The following FRMPD2 variants were observed in gnomAD, a reference collection of about 807,000 sequenced individuals.
The protein encoded by FRMPD2 is FERM and PDZ domain containing 2.
FRMPD2 carries 96 observed loss-of-function variants against 140.1 expected under a neutral mutation model. The observed-to-expected ratio is 0.69, with a 90% confidence interval of 0.58 to 0.81. The LOEUF (loss-of-function observed/expected upper bound fraction) is 0.81. Ranked by LOEUF, FRMPD2 falls within the 40% of genes least tolerant of loss-of-function variation. The probability of loss-of-function intolerance (pLI) is 0.00; values close to 1 mark genes in which losing one functional copy is unlikely to be tolerated. For synonymous variants in FRMPD2, 449 were observed against 547.6 expected (o/e 0.82, Z 2.52); for missense variants, 1,240 against 1,447.4 (o/e 0.86, Z 2.32).
chr10:48,240,982 G>A (rs1264849005), intron 5 of FRMPD2, among the ~76,000 whole-genome samples: 1 of 152,212 alleles, frequency 6.6e-6, no homozygotes, highest in Non-Finnish European at 1.5e-5. Flanking sequence ...TGTTGAATAC[G>A]TGACTGACAT....
intron 12 of FRMPD2, 62 bp downstream of exon 12, chr10:48,222,251 C>G: frequency 6.4e-7 from 1 of 1,557,518 alleles, no homozygotes. Flanking sequence ...CTAACACATG[C>G]CCTCATCCTG....
At chr10:48,160,239 A>G (rs1297145652) in intron 28 of FRMPD2, among the ~76,000 whole-genome samples, 1 of 151,632 alleles carries the variant, frequency 6.6e-6, no homozygotes, top group African/African-American at 2.4e-5. Flanking sequence ...AAGATCTACT[A>G]CTAGACGGTA....
At chr10:48,214,214 C>T (rs550727548) in intron 12 of FRMPD2, among the ~76,000 whole-genome samples, 78 of 152,270 alleles carry the variant, frequency 5.1e-4, no homozygotes, top group African/African-American at 1.8e-3. Context: ...TCTCTCTGTT[C>T]GTGAGACACA....
rs73292197 is a variant in FRMPD2, at chr10:48,190,880, C to T, written c.2165+1804G>A. Among the ~76,000 whole-genome samples, 377 of 152,328 alleles carry T rather than the reference C, an allele frequency of 2.5e-3. 2 individuals are homozygous for T. The highest frequency in any genetic ancestry group is 8.6e-3 in the African/African-American group (359 of 41,570). On this transcript the variant is annotated intron_variant, in intron 16 of 28. Transcript: ENST00000374201. ...CACCATTCTCAGAAAGGATGCTTTGCGGGCAACACATCCTCAAGATGGCCT... is the reference window on the plus strand; with the variant it reads ...CACCATTCTCAGAAAGGATGCTTTGTGGGCAACACATCCTCAAGATGGCCT...
intron 1 of FRMPD2, among the ~76,000 whole-genome samples, chr10:48,270,122 G>A (rs1453066455): frequency 1.3e-5 from 2 of 152,180 alleles, no homozygotes; most frequent in African/African-American, 2.4e-5. Flanking sequence ...ACTAAGAAAA[G>A]TCATAAAAGA....
At chr10:48,240,780 C>G (rs530056792) in intron 5 of FRMPD2, among the ~76,000 whole-genome samples, 1 of 152,308 alleles carries the variant, frequency 6.6e-6, no homozygotes, top group African/African-American at 2.4e-5. Context: ...TCTGTGCCCA[C>G]AAGACCCAGA....
In FRMPD2 at chr10:48,236,498, A is replaced by G. The variant is rs766553000; in HGVS notation, c.977T>C (p.Leu326Pro). Residue 326 changes from leucine (L) to proline (P), a missense_variant, in exon 9 of 29, where the codon CTG (leucine) becomes CCG (proline). Leu to Pro is a moderately conservative substitution (Grantham distance 98). Around this residue, in one of 6 missense-constraint regions of FRMPD2, gnomAD observed 1,161 missense variants for 1,055.9 expected, o/e 1.10. Coordinates refer to ENST00000374201, the MANE Select transcript of FRMPD2 (RefSeq NM_001018071.4). The part of the protein sequence containing the change: ...LAGEAPMTLH[L>P]PGSVVTKKGK... Reference sequence around the variant, plus strand: ...AGTAGTTACCACAACCGATCCCGGCAGATGTAGTGTCATCGGGGCCTCTCC... The same window carrying G: ...AGTAGTTACCACAACCGATCCCGGCGGATGTAGTGTCATCGGGGCCTCTCC... 1.2e-6 allele frequency: 2 copies of G among 1,614,188 alleles called. No homozygotes were observed. The highest frequency in any genetic ancestry group is 2.2e-5 in the South Asian group (2 of 91,086).
At position 48,184,908 on chromosome 10, in the gene FRMPD2, T is replaced by C. The variant is rs113469382; in HGVS notation, c.2360-27A>G. ...TGTAATCCAAGATGATAGTCCATGA[T>C]AAGATGATACTTAGTGATTTTGCTG... On this transcript the variant is annotated intron_variant, in intron 18 of 28. Coordinates refer to ENST00000374201, the MANE Select transcript of FRMPD2 (RefSeq NM_001018071.4). The C allele has an allele frequency of 4.3e-4, 669 of 1,538,354 alleles. 8 individuals are homozygous for C. The African/African-American group carries it at 7.9e-3, about 18-fold the overall frequency.
chr10:48,264,316 T>G (rs1408028507), intron 1 of FRMPD2, among the ~76,000 whole-genome samples: 1 of 151,818 alleles, frequency 6.6e-6, no homozygotes. Context: ...GTATATAAAT[T>G]AGAAAAAAAG....
chr10:48,189,737 C>T (rs149592295), intron 16 of FRMPD2, among the ~76,000 whole-genome samples: 14 of 152,314 alleles, frequency 9.2e-5, no homozygotes, highest in South Asian at 4.1e-4. Flanking sequence ...CTTCCTCTCA[C>T]GGTGCCCAGA....
intron 12 of FRMPD2, 32 bp from the exon 13 acceptor site, chr10:48,212,141 A>G: frequency 6.2e-7 from 1 of 1,608,112 alleles, no homozygotes; most frequent in Non-Finnish European, 8.5e-7. Context: ...GAAGGGCACA[A>G]TCCAGACACT....
intron 1 of FRMPD2, among the ~76,000 whole-genome samples, chr10:48,272,945 A>T (rs746494707): frequency 1.3e-5 from 2 of 152,212 alleles, no homozygotes; most frequent in Non-Finnish European, 2.9e-5. Context: ...TCAGTGGTCA[A>T]TTGCAAACAG....
At chr10:48,209,833 T>C (rs577820839) in intron 13 of FRMPD2, among the ~76,000 whole-genome samples, 1 of 152,256 alleles carries the variant, frequency 6.6e-6, no homozygotes, top group Non-Finnish European at 1.5e-5. Flanking sequence ...CTCAGTATTG[T>C]TTTAAATAGT....
rs555939709 is a variant in FRMPD2 at position 48,242,371 on chromosome 10, G to A, written c.376-19C>T. 2.0e-5 allele frequency: 32 copies of A among 1,604,526 alleles called. No homozygotes were observed. Among genetic ancestry groups the A allele is most frequent in the Admixed American group, 6.7e-5 (4 of 59,324 alleles). The stretch of plus-strand genomic sequence containing the variant: ...GCAGGGGCTGGAGGCAGACAGGGCC[G>A]GTGAGAGGAGAGAGCAGCCAGAGCT... On this transcript the variant is annotated intron_variant, in intron 4 of 28. Transcript: ENST00000374201.
chr10:48,249,762 A>G (rs944646347), intron 2 of FRMPD2, among the ~76,000 whole-genome samples: 2 of 152,164 alleles, frequency 1.3e-5, no homozygotes, highest in East Asian at 1.9e-4. Context: ...CTTAATGCCT[A>G]GGAGCCCCAT....
rs183278284 is a variant in FRMPD2 at position 48,274,173 on chromosome 10, G to A, written c.25+370C>T. Among the ~76,000 whole-genome samples, 4 of 152,224 alleles carry A rather than the reference G, an allele frequency of 2.6e-5. No individual in the cohort carries two copies. In the East Asian group the frequency reaches 5.8e-4, roughly 22 times the overall value. On this transcript the variant is annotated intron_variant, in intron 1 of 28. Coordinates refer to ENST00000374201, the MANE Select transcript of FRMPD2 (RefSeq NM_001018071.4). Reference sequence around the variant, plus strand: ...CACCCCATGAATCCTCAGCAACATCGTAACGCATGGGGCATTATTATCCCC... The same window carrying A: ...CACCCCATGAATCCTCAGCAACATCATAACGCATGGGGCATTATTATCCCC...
Position 48,212,004 on chromosome 10 carries a change from G to A in FRMPD2, c.1561C>T (p.Arg521Trp), listed in dbSNP as rs368838206. The change falls in exon 13 of 29, where the codon CGG becomes TGG. Residue 521 changes from arginine to tryptophan, a missense_variant. By Grantham distance (101) the Arg-to-Trp change is moderately radical. Around this residue, in one of 6 missense-constraint regions of FRMPD2, gnomAD observed 1,161 missense variants for 1,055.9 expected, o/e 1.10. Coordinates refer to ENST00000374201, the MANE Select transcript of FRMPD2 (RefSeq NM_001018071.4). Reference sequence around the variant, plus strand: ...TCTCCCCACAGTGCAGAGCTGAGCCGGTGCATCTCTGAGACTTCAACCTGG... The same window carrying A: ...TCTCCCCACAGTGCAGAGCTGAGCCAGTGCATCTCTGAGACTTCAACCTGG... ...RVQVEVSEMH[R>W]LSSALWGEDA... 2.2e-5 allele frequency: 35 copies of A among 1,613,882 alleles called. No homozygotes were observed. The African/African-American group carries it at 2.7e-4, about 12-fold the overall frequency.
rs2131942991 is a variant in FRMPD2, at chr10:48,239,624, A to C, written c.769T>G (p.Cys257Gly). Residue 257 changes from cysteine to glycine, a missense_variant, in exon 7 of 29, where the codon TGC (cysteine) becomes GGC (glycine). This residue lies in a region of FRMPD2 where 1,161 missense variants were observed against 1,055.9 expected (regional missense o/e 1.10). Coordinates refer to ENST00000374201, the MANE Select transcript of FRMPD2 (RefSeq NM_001018071.4). ...GCTTACCGGTTAACAAGGAGGCTGC[A>C]GTGACTGTGTGTCAAGGTGCTCCAA... is the stretch of plus-strand genomic sequence containing the variant. ...PHWSTLTHSH[C>G]SLLVNRALPG... 1 of 1,614,114 alleles carries C rather than the reference A, an allele frequency of 6.2e-7. No individual in the cohort carries two copies.
intron 10 of FRMPD2, among the ~76,000 whole-genome samples, chr10:48,228,797 G>A (rs754947729): frequency 2.1e-4 from 32 of 152,016 alleles, no homozygotes; most frequent in East Asian, 7.7e-4. Flanking sequence ...ATTTGTTGTC[G>A]TTTAAAAAAG....
Sources: allele counts gnomAD v4.1 joint callset (sites outside exome capture counted in the v4.1 genomes callset), GRCh38; gene constraint gnomAD v4.1.1; regional missense constraint gnomAD v4.1.1; transcripts MANE v1.5; gene names NCBI Gene and HGNC (gene_info 2026-07-23, HGNC 2026-07-21).